Variants in TMEM94 observed in about 807,000 individuals in gnomAD.
The protein encoded by TMEM94 is transmembrane protein 94.
TMEM94 carries 81 observed loss-of-function variants against 158.6 expected under a neutral mutation model. The ratio of observed to expected loss-of-function variants is 0.51; its 90% CI spans 0.43 to 0.61. TMEM94 has a LOEUF of 0.61. Among genes scored for constraint, TMEM94 ranks in the 20% least tolerant of loss-of-function variants. The pLI is 0.00. For synonymous variants in TMEM94, 751 were observed against 730.7 expected (o/e 1.03, Z -0.45); for missense variants, 1,435 against 1,762.0 (o/e 0.81, Z 3.32).
intron 2 of TMEM94, among the ~76,000 whole-genome samples, chr17:75,484,455 G>T (rs1341759887): frequency 6.6e-6 from 1 of 151,896 alleles, no homozygotes; most frequent in African/African-American, 2.4e-5. Context: ...CTGGAGTGCA[G>T]TGGCACAATC....
In TMEM94 at chr17:75,463,887, G is replaced by T. The variant is rs148130450; in HGVS notation, c.-107+7136G>T. Among the ~76,000 whole-genome samples the T allele has an allele frequency of 6.8e-3, 1,028 of 152,274 alleles. 9 individuals carry two copies. Among genetic ancestry groups the T allele is most frequent in the African/African-American group, 0.023 (964 of 41,552 alleles). On this transcript the variant is annotated intron_variant, in intron 1 of 31. Coordinates refer to ENST00000314256, the MANE Select transcript of TMEM94 (RefSeq NM_014738.6). The stretch of plus-strand genomic sequence containing the variant: ...CACCAAGGATAGAATCCTACAGCTT[G>T]CTATTAAAAACTTCCCTCCAGCTTA...
Position 75,498,693 on chromosome 17 carries a change from C to T in TMEM94, c.3798C>T (p.Asn1266=). Reference sequence around the variant, plus strand: ...TGTGGAGAAAGAGCCCCTTGACCAACCTCTGGTGGGCCGTGACAGTGCCTG... The same window carrying T: ...TGTGGAGAAAGAGCCCCTTGACCAATCTCTGGTGGGCCGTGACAGTGCCTG... The part of the protein sequence containing the change: ...KPLWRKSPLT[N]LWWAVTVPVV... The change falls in exon 30 of 32, where the codon AAC becomes AAT. Residue 1266 remains asparagine (N), a synonymous_variant. Transcript: ENST00000314256. This position sits in a 1 kb window ranked among gnomAD's most constrained non-coding sequence, Gnocchi z 6.7. The T allele has an allele frequency of 6.3e-7, 1 of 1,582,546 alleles. No homozygotes were observed. The highest frequency in any genetic ancestry group is 8.6e-7 in the Non-Finnish European group (1 of 1,163,054).
rs2051987211 is a variant in TMEM94, at chr17:75,489,857, G to A, written c.954+195G>A. The A allele has an allele frequency of 1.6e-6, 1 of 611,346 alleles. No individual in the cohort carries two copies. Among genetic ancestry groups the A allele is most frequent in the African/African-American group, 1.8e-5 (1 of 54,238 alleles). 37.9% of individuals were successfully genotyped at this position (611,346 alleles called of 1,614,324 possible). A position where few individuals can be genotyped will look rare whatever the true frequency, so the allele number is the denominator to read the frequency against. ...GCACTTTGGGAGGCCACGGCAGGCA[G>A]ATCATGAGGTCAAGAGATCGAGACC... On this transcript the variant is annotated intron_variant, in intron 9 of 31. Transcript: ENST00000314256. This position sits in a 1 kb window ranked among gnomAD's most constrained non-coding sequence, Gnocchi z 5.0.
In TMEM94 at chr17:75,498,380, C is replaced by T; in HGVS notation, c.3638+57C>T. 6.2e-7 allele frequency: 1 copy of T among 1,611,718 alleles called. No homozygotes were observed. The highest frequency in any genetic ancestry group is 1.1e-5 in the South Asian group (1 of 91,000). ...CCTGCCTCGCCTCGAGGCTTCCTCCCTCCCCACCCCAGCCTACCTCCCTGC... is the reference window on the plus strand; with the variant it reads ...CCTGCCTCGCCTCGAGGCTTCCTCCTTCCCCACCCCAGCCTACCTCCCTGC... On this transcript the variant is annotated intron_variant, in intron 28 of 31. Transcript: ENST00000314256. The surrounding 1 kb of genome is among the most constrained non-coding windows in gnomAD (Gnocchi z 6.7).
rs756365503 is a variant in TMEM94 at position 75,488,041 on chromosome 17, C to T, written c.519C>T (p.His173=). ...WSLHWAYRDG[H]LVNLPVSLLV... Reference sequence around the variant, plus strand: ...TGCACTGGGCCTACAGAGACGGACACCTGGTCAACCTGCCAGTCAGCCTGC... The same window carrying T: ...TGCACTGGGCCTACAGAGACGGACATCTGGTCAACCTGCCAGTCAGCCTGC... The change falls in exon 6 of 32, where the codon CAC becomes CAT. Residue 173 remains histidine, a synonymous_variant. Coordinates refer to ENST00000314256, the MANE Select transcript of TMEM94 (RefSeq NM_014738.6). 11 of 1,614,210 alleles carry T rather than the reference C, an allele frequency of 6.8e-6. No individual in the cohort carries two copies. Among genetic ancestry groups the T allele is most frequent in the Non-Finnish European group, 9.3e-6 (11 of 1,180,036 alleles).
intron 24 of TMEM94, 95 bp from the exon 25 acceptor site, chr17:75,496,635 C>T: frequency 7.0e-7 from 1 of 1,436,476 alleles, no homozygotes; most frequent in Non-Finnish European, 9.8e-7. Flanking sequence ...GTAGAAGCAT[C>T]CTGGGCGTCT....
At position 75,489,836 on chromosome 17, in the gene TMEM94, T is replaced by C; in HGVS notation, c.954+174T>C. On this transcript the variant is annotated intron_variant, in intron 9 of 31. Coordinates refer to ENST00000314256, the MANE Select transcript of TMEM94 (RefSeq NM_014738.6). This position sits in a 1 kb window ranked among gnomAD's most constrained non-coding sequence, Gnocchi z 5.0. ...GGACTCAGGCCTGTAATCCAAGCACTTTGGGAGGCCACGGCAGGCAGATCA... is the reference window on the plus strand; with the variant it reads ...GGACTCAGGCCTGTAATCCAAGCACCTTGGGAGGCCACGGCAGGCAGATCA... 1 of 636,848 alleles carries C rather than the reference T, an allele frequency of 1.6e-6. No individual in the cohort carries two copies. Among genetic ancestry groups the C allele is most frequent in the East Asian group, 2.8e-5 (1 of 36,332 alleles). The allele number at this position is 636,848 out of a possible 1,614,324, so 39.4% of individuals were successfully genotyped here. A position where few individuals can be genotyped will look rare whatever the true frequency, so the allele number is the denominator to read the frequency against.
chr17:75,465,260 C>T (rs935847084), intron 1 of TMEM94, among the ~76,000 whole-genome samples: 2 of 152,114 alleles, frequency 1.3e-5, no homozygotes, highest in South Asian at 4.1e-4. Flanking sequence ...CATCCTCCCC[C>T]GTCAGCCTCC....
At chr17:75,470,443 C>T (rs865915215) in intron 1 of TMEM94, among the ~76,000 whole-genome samples, 1 of 152,080 alleles carries the variant, frequency 6.6e-6, no homozygotes, top group Admixed American at 6.6e-5. Context: ...TGGTGGCTCA[C>T]GCCTGTAATC....
At chr17:75,483,314 A>T (rs1258827181) in intron 2 of TMEM94, among the ~76,000 whole-genome samples, 1 of 152,026 alleles carries the variant, frequency 6.6e-6, no homozygotes, top group Non-Finnish European at 1.5e-5. Flanking sequence ...GTGGGTTTGG[A>T]AAAGTTAGAG....
Position 75,495,075 on chromosome 17 carries a change from G to GGAGGGGGGGGGGGGGGC in TMEM94, c.2728+41_2728+42insGAGGGGGGGGGGGGGGC. On this transcript the variant is annotated intron_variant, in intron 20 of 31. Transcript: ENST00000314256. The surrounding 1 kb of genome is among the most constrained non-coding windows in gnomAD (Gnocchi z 5.6). ...TGGGGTGGGGACGGGGTGGCGGTGG[G>GGAGGGGGGGGGGGGGGC]AGGATTCCCCTCCTCAGAGCCACAG... 1 of 1,037,348 alleles carries GGAGGGGGGGGGGGGGGC rather than the reference G, an allele frequency of 9.6e-7. No individual in the cohort carries two copies. The allele number at this position is 1,037,348 out of a possible 1,614,324, so 64.3% of individuals were successfully genotyped here.
At chr17:75,494,453 C>G (rs774394914) in intron 18 of TMEM94, among the ~76,000 whole-genome samples, 174 bp from the exon 19 acceptor site, 14 of 152,240 alleles carry the variant, frequency 9.2e-5, no homozygotes, top group Non-Finnish European at 1.8e-4. Flanking sequence ...CTGACTGATG[C>G]ATACCTTTCA....
intron 1 of TMEM94, among the ~76,000 whole-genome samples, chr17:75,465,679 A>ATATATTTTTTTT (rs1247855961): frequency 2.4e-5 from 3 of 124,848 alleles, no homozygotes; most frequent in African/African-American, 1.1e-4. Flanking sequence ...ATATATATAT[A>ATATATTTTTTTT]TTTTTTTTTA....
Position 75,495,944 on chromosome 17 carries a change from T to C in TMEM94, c.2945-22T>C, listed in dbSNP as rs2146851027. 6.4e-7 allele frequency: 1 copy of C among 1,566,658 alleles called. No individual in the cohort carries two copies. The highest frequency in any genetic ancestry group is 2.3e-5 in the East Asian group (1 of 44,424). Reference sequence around the variant, plus strand: ...TGGTGCTCTGCCTGCCTGACTCTGGTGCCCTTATACGCTGTCCTCAGCCAT... The same window carrying C: ...TGGTGCTCTGCCTGCCTGACTCTGGCGCCCTTATACGCTGTCCTCAGCCAT... On this transcript the variant is annotated intron_variant, in intron 22 of 31. Coordinates refer to ENST00000314256, the MANE Select transcript of TMEM94 (RefSeq NM_014738.6). This position sits in a 1 kb window ranked among gnomAD's most constrained non-coding sequence, Gnocchi z 5.6.
Position 75,476,580 on chromosome 17 carries a change from G to A in TMEM94, c.24+4651G>A, listed in dbSNP as rs1460398765. ...GCTTCTTGCTCACACACTCTCAGCT[G>A]TCTCCGTCTCTTCTCTCCTCTTCTC... is the stretch of plus-strand genomic sequence containing the variant. On this transcript the variant is annotated intron_variant, in intron 2 of 31. Coordinates refer to ENST00000314256, the MANE Select transcript of TMEM94 (RefSeq NM_014738.6). 4.7e-6 allele frequency: 7 copies of A among 1,491,112 alleles called. No homozygotes were observed. The East Asian group carries it at 1.5e-4, about 32-fold the overall frequency. The allele number at this position is 1,491,112 out of a possible 1,614,324, so 92.4% of individuals were successfully genotyped here. A position where few individuals can be genotyped will look rare whatever the true frequency, so the allele number is the denominator to read the frequency against.
At chr17:75,499,117 A>G (rs1481938155) in intron 31 of TMEM94, 35 bp downstream of exon 31, 1 of 1,574,068 alleles carries the variant, frequency 6.4e-7, no homozygotes, top group South Asian at 1.2e-5. Flanking sequence ...CTCTGGGCTC[A>G]GGCATGTTCC....
At position 75,485,554 on chromosome 17, in the gene TMEM94, C is replaced by A; in HGVS notation, c.144+7C>A. 6.2e-7 allele frequency: 1 copy of A among 1,614,106 alleles called. No homozygotes were observed. The highest frequency in any genetic ancestry group is 8.5e-7 in the Non-Finnish European group (1 of 1,179,970). ...GAAGTGTCTGACGTGGAAGGTGAAG[C>A]TTCTTCTCGGGGCTACCAGGGCCTG... On this transcript the variant is annotated splice_region_variant and intron_variant, in intron 3 of 31. Transcript: ENST00000314256. The surrounding 1 kb of genome is among the most constrained non-coding windows in gnomAD (Gnocchi z 5.5).
intron 25 of TMEM94, 143 bp downstream of exon 25, chr17:75,496,950 T>C (rs773178296): frequency 1.3e-5 from 14 of 1,063,496 alleles, no homozygotes; most frequent in Non-Finnish European, 2.0e-5. Flanking sequence ...CCTGGGCTTT[T>C]TGAGCTGACC....
intron 1 of TMEM94, among the ~76,000 whole-genome samples, chr17:75,457,894 C>G (rs1425698970): frequency 6.6e-6 from 1 of 152,106 alleles, no homozygotes; most frequent in Non-Finnish European, 1.5e-5. Flanking sequence ...AGTTCCCTGA[C>G]TCCCCTGAGC....
Sources: gnomAD v4.1 joint callset for allele counts (sites outside exome capture counted in the v4.1 genomes callset) on GRCh38, gnomAD v4.1.1 for gene constraint, Gnocchi (gnomAD v3.1) non-coding constraint, MANE v1.5 for transcripts, NCBI Gene and HGNC (gene_info 2026-07-23, HGNC 2026-07-21) for gene names.